Variants in FNDC3A observed in about 807,000 individuals in gnomAD.
FNDC3A encodes fibronectin type III domain containing 3A.
FNDC3A carries 32 observed loss-of-function variants against 148.9 expected under a neutral mutation model. That is an observed-to-expected ratio of 0.21 (90% CI 0.16 to 0.29). FNDC3A has a LOEUF of 0.29. Ranked by LOEUF, FNDC3A falls within the 10% of genes least tolerant of loss-of-function variation. The pLI is 1.00. For synonymous variants in FNDC3A, 472 were observed against 473.6 expected (o/e 1.00, Z 0.04); for missense variants, 1,191 against 1,452.8 (o/e 0.82, Z 2.93).
At chr13:48,994,093 T>G (rs184215149) in intron 1 of FNDC3A, among the ~76,000 whole-genome samples, 15 of 152,322 alleles carry the variant, frequency 9.8e-5, no homozygotes, top group Non-Finnish European at 1.9e-4. Context: ...TCTTCATATA[T>G]CCAGATGAAA....
chr13:48,986,401 T>G (rs1019053798), intron 1 of FNDC3A, among the ~76,000 whole-genome samples: 32 of 122,020 alleles, frequency 2.6e-4, no homozygotes, highest in African/African-American at 8.1e-4. Flanking sequence ...TTTTTTTTTT[T>G]TTTTTTTTTT....
chr13:49,017,649 G>A (rs1277033038), intron 2 of FNDC3A, among the ~76,000 whole-genome samples: 1 of 151,442 alleles, frequency 6.6e-6, no homozygotes, highest in African/African-American at 2.4e-5. Context: ...TCATTATGAT[G>A]TTAGCTGGTT....
intron 3 of FNDC3A, chr13:49,110,175 T>C (rs1880455376): frequency 2.2e-6 from 1 of 453,874 alleles, no homozygotes; most frequent in African/African-American, 2.0e-5. Context: ...TTTTCCCCTA[T>C]ATCAGAAATG....
intron 3 of FNDC3A, among the ~76,000 whole-genome samples, chr13:49,091,958 C>T (rs1879220023): frequency 6.6e-6 from 1 of 152,234 alleles, no homozygotes; most frequent in Non-Finnish European, 1.5e-5. Context: ...GTCAAATATT[C>T]AGTTTCCACC....
intron 3 of FNDC3A, among the ~76,000 whole-genome samples, chr13:49,105,962 T>G (rs1880147921): frequency 6.6e-6 from 1 of 152,214 alleles, no homozygotes; most frequent in Non-Finnish European, 1.5e-5. Context: ...AAGCATACAG[T>G]AACCTATGAG....
chr13:49,074,346 T>G (rs1278330163), intron 2 of FNDC3A, among the ~76,000 whole-genome samples: 1 of 152,152 alleles, frequency 6.6e-6, no homozygotes, highest in Non-Finnish European at 1.5e-5. Context: ...TGATGTTTGG[T>G]TTTCCATTCC....
intron 1 of FNDC3A, among the ~76,000 whole-genome samples, chr13:49,002,637 C>G (rs1159690887): frequency 6.6e-6 from 1 of 152,176 alleles, no homozygotes; most frequent in South Asian, 2.1e-4. Context: ...GAACCACTGT[C>G]CTGACTCTTA....
At chr13:49,174,043 A>G (rs1884899623) in intron 11 of FNDC3A, among the ~76,000 whole-genome samples, 1 of 152,168 alleles carries the variant, frequency 6.6e-6, no homozygotes, top group African/African-American at 2.4e-5. Context: ...ACCTTTTCTT[A>G]AAACTGTCTG....
intron 1 of FNDC3A, among the ~76,000 whole-genome samples, chr13:48,979,797 A>C (rs1475351551): frequency 6.6e-6 from 1 of 151,786 alleles, no homozygotes; most frequent in Non-Finnish European, 1.5e-5. Flanking sequence ...GGCCATTTAC[A>C]GTCTCGGTTG....
intron 8 of FNDC3A, among the ~76,000 whole-genome samples, chr13:49,159,029 A>G (rs1312095603): frequency 3.3e-5 from 5 of 152,184 alleles, no homozygotes; most frequent in Admixed American, 2.0e-4. Flanking sequence ...GTAGCCTTGT[A>G]GTATAGCTTG....
intron 13 of FNDC3A, among the ~76,000 whole-genome samples, chr13:49,177,929 A>G (rs1416531206): frequency 6.6e-6 from 1 of 152,224 alleles, no homozygotes. Context: ...GAAATTAGGA[A>G]TTAGGGGAAA....
At chr13:49,116,628 A>G (rs1457392487) in intron 4 of FNDC3A, among the ~76,000 whole-genome samples, 1 of 152,150 alleles carries the variant, frequency 6.6e-6, no homozygotes, top group Admixed American at 6.5e-5. Context: ...TCTACAAAAA[A>G]TACAAAAATT....
At chr13:49,109,174 A>G (rs964508078) in intron 3 of FNDC3A, among the ~76,000 whole-genome samples, 2 of 152,226 alleles carry the variant, frequency 1.3e-5, no homozygotes, top group South Asian at 2.1e-4. Flanking sequence ...AATGATGCCT[A>G]GTATGTACTC....
At chr13:49,049,046 T>C (rs1238528787) in intron 2 of FNDC3A, among the ~76,000 whole-genome samples, 2 of 152,152 alleles carry the variant, frequency 1.3e-5, no homozygotes, top group Non-Finnish European at 2.9e-5. Context: ...TGTCAAATGC[T>C]TTTTTTGCAT....
chr13:49,137,117 G>A (rs115307117), intron 6 of FNDC3A, among the ~76,000 whole-genome samples: 1,778 of 152,040 alleles, frequency 0.012, 30 homozygotes, highest in African/African-American at 0.04. Context: ...CTGAGCCACT[G>A]TCCCCAACCT....
chr13:48,986,897 T>A lies in FNDC3A; in HGVS notation c.-40+10720T>A, dbSNP rs886848005. On this transcript the variant is annotated intron_variant, in intron 1 of 25. Transcript: ENST00000492622. Reference sequence around the variant, plus strand: ...TGATTTTATTATGATAAAATTATTTTGGAGGAATTAGTGAAGGAAACATGT... The same window carrying A: ...TGATTTTATTATGATAAAATTATTTAGGAGGAATTAGTGAAGGAAACATGT... Among the ~76,000 whole-genome samples the A allele has an allele frequency of 1.3e-4, 20 of 151,776 alleles. No homozygotes were observed. The Admixed American group carries it at 1.3e-3, about 10-fold the overall frequency.
chr13:49,051,052 G>C (rs1875803789), intron 2 of FNDC3A, among the ~76,000 whole-genome samples: 1 of 152,158 alleles, frequency 6.6e-6, no homozygotes, highest in Non-Finnish European at 1.5e-5. Flanking sequence ...CATGTTAGGT[G>C]AGTCTCCTGA....
chr13:49,121,782 C>A (rs1315977808), intron 4 of FNDC3A, among the ~76,000 whole-genome samples: 1 of 152,106 alleles, frequency 6.6e-6, no homozygotes, highest in Non-Finnish European at 1.5e-5. Flanking sequence ...CATACACCCC[C>A]CCAAAGACTA....
chr13:49,011,819 A>C (rs752327205), intron 2 of FNDC3A, among the ~76,000 whole-genome samples: 7 of 152,296 alleles, frequency 4.6e-5, no homozygotes, highest in Middle Eastern at 3.4e-3. Flanking sequence ...TAAGGTATTT[A>C]TGAACAGGAA....
Sources: allele counts gnomAD v4.1 joint callset (sites outside exome capture counted in the v4.1 genomes callset), GRCh38; gene constraint gnomAD v4.1.1; transcripts MANE v1.5; gene names NCBI Gene and HGNC (gene_info 2026-07-23, HGNC 2026-07-21).